Variants in SOX6 observed in about 807,000 individuals in gnomAD.
SOX6 encodes the protein transcription factor SOX-6.
In SOX6, 11 loss-of-function variants were observed where a neutral mutation model predicts 97.8. The observed-to-expected ratio is 0.11, with a 90% CI of 0.07 to 0.19. The LOEUF is 0.19. Among genes scored for constraint, SOX6 ranks in the 10% least tolerant of loss-of-function variants. The pLI is 1.00. For missense variants in SOX6, 810 were observed against 1,039.5 expected (o/e 0.78, Z 3.04); for synonymous variants, 360 against 371.4 (o/e 0.97, Z 0.35).
intron 1 of SOX6, among the ~76,000 whole-genome samples, chr11:16,422,105 T>C: frequency 6.6e-6 from 1 of 152,098 alleles, no homozygotes. Flanking sequence ...AATAAGGACA[T>C]ACGAAAAAAA....
chr11:16,221,131 T>A (rs1852525811), intron 4 of SOX6, among the ~76,000 whole-genome samples: 1 of 152,096 alleles, frequency 6.6e-6, no homozygotes, highest in Non-Finnish European at 1.5e-5. Flanking sequence ...GTCCCTGAAA[T>A]AATTTTCATA....
chr11:16,190,224 G>A (rs564545980), intron 4 of SOX6, among the ~76,000 whole-genome samples: 4 of 152,078 alleles, frequency 2.6e-5, no homozygotes, highest in Admixed American at 6.6e-5. Flanking sequence ...AAAGATACAC[G>A]TTTAAGAAGA....
chr11:16,569,624 T>A (rs561753506), intron 4 of SOX6, among the ~76,000 whole-genome samples: 2 of 152,244 alleles, frequency 1.3e-5, no homozygotes, highest in Admixed American at 6.5e-5. Flanking sequence ...CCACCTTGCA[T>A]AAATGAGACT....
At chr11:16,364,989 G>T (rs1857314996) in intron 1 of SOX6, among the ~76,000 whole-genome samples, 1 of 152,078 alleles carries the variant, frequency 6.6e-6, no homozygotes, top group Non-Finnish European at 1.5e-5. Context: ...CCACAGTTTT[G>T]CTTTCTGCAG....
At chr11:16,449,653 A>G (rs1405604803) in intron 1 of SOX6, among the ~76,000 whole-genome samples, 1 of 152,168 alleles carries the variant, frequency 6.6e-6, no homozygotes, top group African/African-American at 2.4e-5. Flanking sequence ...GTATAAGCAG[A>G]CATACATCTC....
At chr11:16,437,777 TGA>T (rs1859411560) in intron 1 of SOX6, among the ~76,000 whole-genome samples, 1 of 152,246 alleles carries the variant, frequency 6.6e-6, no homozygotes, top group South Asian at 2.1e-4. Context: ...TTGTCTGTGC[TGA>T]GTTTCCTCAT....
intron 4 of SOX6, among the ~76,000 whole-genome samples, chr11:16,544,689 T>C (rs974539188): frequency 8.5e-5 from 13 of 152,182 alleles, no homozygotes; most frequent in Non-Finnish European, 1.8e-4. Context: ...GGTGAGTTTA[T>C]GTTACGTGAA....
intron 1 of SOX6, among the ~76,000 whole-genome samples, chr11:16,350,346 G>A (rs1037873943): frequency 6.6e-6 from 1 of 152,166 alleles, no homozygotes; most frequent in Admixed American, 6.5e-5. Context: ...GTCTCTAGCT[G>A]CACGTTTTAT....
chr11:16,731,400 G>A (rs1445396432), intron 2 of SOX6, among the ~76,000 whole-genome samples: 1 of 152,114 alleles, frequency 6.6e-6, no homozygotes, highest in Non-Finnish European at 1.5e-5. Context: ...TATTCACCAC[G>A]ATCAAGTCAG....
chr11:16,192,162 A>G (rs1331753261), intron 4 of SOX6, among the ~76,000 whole-genome samples: 1 of 152,214 alleles, frequency 6.6e-6, no homozygotes, highest in Non-Finnish European at 1.5e-5. Context: ...ACCTAAAAGC[A>G]GCTATTCACT....
intron 3 of SOX6, chr11:16,315,536 C>T (rs1186998579): frequency 6.6e-6 from 1 of 152,086 alleles, no homozygotes; most frequent in Non-Finnish European, 1.5e-5. Context: ...AACTTCTGTC[C>T]TCTACAACAC....
chr11:16,330,092 A>T (rs1026039982), intron 2 of SOX6, among the ~76,000 whole-genome samples: 15 of 152,172 alleles, frequency 9.9e-5, no homozygotes, highest in African/African-American at 3.6e-4. Flanking sequence ...TATCTCTTAA[A>T]GAGTGGTGCC....
intron 4 of SOX6, among the ~76,000 whole-genome samples, chr11:16,533,985 CA>C (rs1384394335): frequency 1.3e-5 from 2 of 152,040 alleles, no homozygotes; most frequent in East Asian, 3.9e-4. Flanking sequence ...GTCTCAAAAG[CA>C]CATAAAGTTT....
chr11:16,564,795 G>C (rs1847851701), intron 4 of SOX6, among the ~76,000 whole-genome samples: 1 of 151,902 alleles, frequency 6.6e-6, no homozygotes, highest in South Asian at 2.1e-4. Context: ...CAAAATTTCT[G>C]AGGCATGGCT....
intron 4 of SOX6, among the ~76,000 whole-genome samples, chr11:16,592,376 ATGT>A (rs1398935431): frequency 6.7e-6 from 1 of 150,340 alleles, no homozygotes; most frequent in Non-Finnish European, 1.5e-5. Context: ...GGTACTGAAA[ATGT>A]TTCCTACCTT....
chr11:16,023,004 T>C (rs60968744), intron 12 of SOX6, among the ~76,000 whole-genome samples: 2 of 152,256 alleles, frequency 1.3e-5, no homozygotes, highest in East Asian at 1.9e-4. Flanking sequence ...CAAAATCCTA[T>C]GTATTTCCGA....
At chr11:16,321,090 C>T (rs1855908567) in intron 2 of SOX6, among the ~76,000 whole-genome samples, 1 of 152,070 alleles carries the variant, frequency 6.6e-6, no homozygotes, top group African/African-American at 2.4e-5. Context: ...CCAGTTCATT[C>T]TCCACTTGTG....
intron 12 of SOX6, among the ~76,000 whole-genome samples, chr11:16,033,456 T>C (rs1855436539): frequency 6.6e-6 from 1 of 152,196 alleles, no homozygotes; most frequent in African/African-American, 2.4e-5. Context: ...GCTCCTGTTC[T>C]TTATTTCATT....
intron 10 of SOX6, among the ~76,000 whole-genome samples, chr11:16,050,905 C>A (rs1019992408): frequency 6.6e-6 from 1 of 152,128 alleles, no homozygotes; most frequent in Non-Finnish European, 1.5e-5. Context: ...CAAATGTTAA[C>A]TCCCACTTTG....
Sources: allele counts gnomAD v4.1 joint callset (sites outside exome capture counted in the v4.1 genomes callset), GRCh38; gene constraint gnomAD v4.1.1; transcripts MANE v1.5; gene names NCBI Gene and HGNC (gene_info 2026-07-23, HGNC 2026-07-21).